DOK7: variants seen among roughly 807,000 people sequenced by gnomAD.
DOK7 encodes the protein docking protein 7.
Under a neutral mutation model 30.7 loss-of-function variants are expected in DOK7, and 32 were observed. The observed-to-expected ratio is 1.04, with a 90% confidence interval of 0.79 to 1.40. The LOEUF is 1.40. DOK7 is among the 40% of genes most tolerant of loss of function. The pLI is 0.00. For missense variants in DOK7, 1,007 were observed against 699.2 expected, an observed-to-expected ratio of 1.44 and a Z score of -4.97; for synonymous variants, 447 against 324.1, an observed-to-expected ratio of 1.38 and a Z score of -4.07.
intron 2 of DOK7, among the ~76,000 whole-genome samples, chr4:3,466,869 C>T (rs936969956): frequency 2.0e-5 from 3 of 152,188 alleles, no homozygotes; most frequent in East Asian, 3.9e-4. Context: ...ACACCTGTGC[C>T]GGGCAGGGGC....
chr4:3,490,283 C>A, intron 6 of DOK7, among the ~76,000 whole-genome samples: 1 of 99,994 alleles, frequency 1.0e-5, no homozygotes, highest in East Asian at 2.9e-4. Context: ...CCCCACCTTG[C>A]TCATTCATTT....
chr4:3,481,463 C>T (rs1484791317), intron 4 of DOK7, among the ~76,000 whole-genome samples: 14 of 152,040 alleles, frequency 9.2e-5, no homozygotes, highest in Admixed American at 8.5e-4. Flanking sequence ...TAGAGTGGTG[C>T]CCCTGGACTG....
chr4:3,496,902 G>C, downstream of DOK7: 1 of 1,514,264 alleles, frequency 6.6e-7, no homozygotes, highest in Non-Finnish European at 8.8e-7. Flanking sequence ...TCGGGGACAG[G>C]AAGGCGGGAG....
chr4:3,491,139 C>G lies in DOK7; in HGVS notation c.772+1343C>G, dbSNP rs76019769. 6.4e-4 allele frequency among the ~76,000 whole-genome samples: 70 copies of G among 109,216 alleles called. 3 individuals carry two copies. The East Asian group carries it at 0.023, about 36-fold the overall frequency. The allele number at this position is 109,216 out of a possible 152,430, so 71.6% of individuals were successfully genotyped here. ...CTGCTCGTTCATTCGTTTCTCCCTT[C>G]CCCCCATTCCTTCCTTCCTTCTTCC... On this transcript the variant is annotated intron_variant, in intron 6 of 6. Coordinates refer to ENST00000340083, the MANE Select transcript of DOK7 (RefSeq NM_173660.5).
chr4:3,492,499 G>A (rs1728540223), intron 6 of DOK7, among the ~76,000 whole-genome samples: 1 of 152,240 alleles, frequency 6.6e-6, no homozygotes, highest in Non-Finnish European at 1.5e-5. Flanking sequence ...TAGTGGCAGG[G>A]GTGCTGAGAG....
At position 3,494,365 on chromosome 4, in the gene DOK7, C is replaced by A. The variant is rs1365993868; in HGVS notation, c.*864C>A. Reference sequence around the variant, plus strand: ...TGGCTTCCTCTTGCACAGCCTGGAGCCTGCCCTGACCACAGCCCAGCAGCT... The same window carrying A: ...TGGCTTCCTCTTGCACAGCCTGGAGACTGCCCTGACCACAGCCCAGCAGCT... On this transcript the variant is annotated 3_prime_UTR_variant, in exon 7 of 7. Transcript: ENST00000340083. The A allele has an allele frequency of 4.1e-6, 4 of 985,628 alleles. No individual in the cohort carries two copies. The highest frequency in any genetic ancestry group is 4.8e-6 in the Non-Finnish European group (4 of 830,036). The allele number at this position is 985,628 out of a possible 1,614,324, so 61.1% of individuals were successfully genotyped here.
At chr4:3,488,487 C>T (rs936862534) in intron 5 of DOK7, among the ~76,000 whole-genome samples, 45 of 152,222 alleles carry the variant, frequency 3.0e-4, no homozygotes, top group African/African-American at 1.0e-3. Flanking sequence ...TTCTCCGGAG[C>T]GCTGACCATG....
chr4:3,478,863 C>T (rs538056961), intron 4 of DOK7, among the ~76,000 whole-genome samples: 78 of 152,246 alleles, frequency 5.1e-4, no homozygotes, highest in African/African-American at 1.6e-3. Context: ...CTCGGCCAAG[C>T]GGTGGTGTTC....
At chr4:3,483,328 G>T (rs547407873) in intron 4 of DOK7, among the ~76,000 whole-genome samples, 30 of 151,562 alleles carry the variant, frequency 2.0e-4, no homozygotes, top group Admixed American at 1.6e-3. Flanking sequence ...CCAAGACCGG[G>T]GGGGGCTGGG....
chr4:3,488,162 ACAGGGCCACAGGGTCTTGGGCTGG>A (rs1422405337), intron 5 of DOK7, among the ~76,000 whole-genome samples: 4 of 152,186 alleles, frequency 2.6e-5, no homozygotes, highest in African/African-American at 2.4e-5. Context: ...AATGCTACAG[ACAGGGCCACAGGGTCTTGGGCTGG>A]CAGGGCCCCA....
intron 6 of DOK7, 98 bp from the exon 7 acceptor site, chr4:3,492,661 C>T (rs912693449): frequency 1.9e-5 from 30 of 1,543,526 alleles, no homozygotes; most frequent in Admixed American, 7.2e-5. Context: ...GGGGCGAGAC[C>T]AGAGAGTGCT....
intron 6 of DOK7, chr4:3,500,147 G>A (rs1397610264): frequency 6.6e-6 from 9 of 1,364,624 alleles, no homozygotes; most frequent in African/African-American, 2.9e-5. Context: ...GAGGCGGAGT[G>A]GGGAGGAGGG....
At chr4:3,484,102 G>A (rs527483240) in intron 4 of DOK7, among the ~76,000 whole-genome samples, 175 of 152,344 alleles carry the variant, frequency 1.1e-3, no homozygotes, top group African/African-American at 3.6e-3. Context: ...AGTCCACCTC[G>A]TGGCTGTGTG....
chr4:3,496,228 G>A (rs1173338217), downstream of DOK7, among the ~76,000 whole-genome samples: 7 of 152,376 alleles, frequency 4.6e-5, no homozygotes, highest in East Asian at 1.3e-3. Context: ...CACCCCGTTA[G>A]GCACGGCCCA....
Position 3,501,009 on chromosome 4 carries a change from C to G in DOK7, c.*184C>G. ...GTTTTCAGGGCCCACGGCCAGGCCT[C>G]CTGCCTCACAGGTGTCCGGGGCTGA... On this transcript the variant is annotated 3_prime_UTR_variant, in exon 8 of 8. Transcript: ENST00000643608. The G allele has an allele frequency of 5.2e-6, 5 of 952,930 alleles. No homozygotes were observed. The South Asian group carries it at 8.8e-5, about 17-fold the overall frequency. The allele number at this position is 952,930 out of a possible 1,614,324, so 59.0% of individuals were successfully genotyped here.
At chr4:3,495,783 C>A (rs1170341608), downstream of DOK7, among the ~76,000 whole-genome samples, 1 of 148,570 alleles carries the variant, frequency 6.7e-6, no homozygotes, top group Non-Finnish European at 1.5e-5. Flanking sequence ...TCCACACCTA[C>A]CCGCCTGCCC....
At chr4:3,491,618 A>G (rs2858019) in intron 6 of DOK7, among the ~76,000 whole-genome samples, 46,099 of 151,832 alleles carry the variant, frequency 0.3, 7,206 homozygotes, top group Admixed American at 0.4. Context: ...CTGACGGGAA[A>G]GGTGGTTCTG....
intron 3 of DOK7, 119 bp downstream of exon 3, chr4:3,473,755 A>G: frequency 1.0e-6 from 1 of 997,886 alleles, no homozygotes; most frequent in Admixed American, 2.6e-5. Flanking sequence ...AAGATGGGAC[A>G]TTCATGGGTG....
downstream of DOK7, among the ~76,000 whole-genome samples, chr4:3,498,201 C>G (rs1041644124): frequency 1.3e-5 from 2 of 152,158 alleles, no homozygotes; most frequent in African/African-American, 4.8e-5. Flanking sequence ...ATCCGAGGTA[C>G]TGGAAGCGAT....
Sources: allele counts gnomAD v4.1 joint callset (sites outside exome capture counted in the v4.1 genomes callset), GRCh38; gene constraint gnomAD v4.1.1; transcripts MANE v1.5; gene names NCBI Gene and HGNC (gene_info 2026-07-23, HGNC 2026-07-21).